The following DOCK8 variants were observed in gnomAD, a reference collection of about 807,000 sequenced individuals.
DOCK8 encodes dedicator of cytokinesis 8, also known as dedicator of cytokinesis protein 8.
In DOCK8, 141 loss-of-function variants were observed where a neutral mutation model predicts 245.6. The ratio of observed to expected loss-of-function variants is 0.57; its 90% CI spans 0.50 to 0.66. The LOEUF (loss-of-function observed/expected upper bound fraction) is 0.66. DOCK8 is among the 30% of genes least tolerant of loss of function. DOCK8 has a pLI of 0.00. For synonymous variants in DOCK8, 1,168 were observed against 970.2 expected, an observed-to-expected ratio of 1.20 and a Z score of -3.79; for missense variants, 2,965 against 2,603.4, an observed-to-expected ratio of 1.14 and a Z score of -3.02.
intron 26 of DOCK8, among the ~76,000 whole-genome samples, chr9:400,680 TCACCACCACCTCCACCAC>T (rs2054919336): frequency 1.4e-4 from 3 of 20,880 alleles, no homozygotes; most frequent in Admixed American, 4.7e-4. Flanking sequence ...ATCTTCACCA[TCACCACCACCTCCACCAC>T]CACCACCACC....
chr9:419,083 T>C (rs1586976259), intron 30 of DOCK8, among the ~76,000 whole-genome samples: 1 of 152,194 alleles, frequency 6.6e-6, no homozygotes, highest in South Asian at 2.1e-4. Context: ...TCTCTGTTCA[T>C]TGATGAGCTC....
chr9:213,861 T>C (rs973492888), upstream of DOCK8: 3 of 152,178 alleles, frequency 2.0e-5, no homozygotes, highest in South Asian at 2.1e-4. Context: ...CCCAAGTAGC[T>C]GGGACTAAGG....
upstream of DOCK8, among the ~76,000 whole-genome samples, chr9:211,445 T>C (rs1321838713): frequency 1.3e-5 from 2 of 151,740 alleles, no homozygotes; most frequent in South Asian, 2.1e-4. Context: ...AAACAGGTAT[T>C]TTAGTAAACT....
At chr9:422,988 A>G (rs2056337899) in intron 33 of DOCK8, among the ~76,000 whole-genome samples, 1 of 47,334 alleles carries the variant, frequency 2.1e-5, no homozygotes, top group African/African-American at 4.9e-5. Flanking sequence ...CCATCTCAAA[A>G]AAAAAAAAAA....
At chr9:316,073 C>T (rs2050333390) in intron 6 of DOCK8, among the ~76,000 whole-genome samples, 2 of 152,172 alleles carry the variant, frequency 1.3e-5, no homozygotes, top group South Asian at 2.1e-4. Flanking sequence ...TAATGATGAG[C>T]TTACCACATT....
At chr9:290,073 T>A (rs998942350) in intron 4 of DOCK8, among the ~76,000 whole-genome samples, 2 of 152,184 alleles carry the variant, frequency 1.3e-5, no homozygotes, top group Non-Finnish European at 2.9e-5. Context: ...TTTTTTTTAT[T>A]GCTGAATAAT....
At chr9:346,096 C>T (rs1046254906) in intron 14 of DOCK8, among the ~76,000 whole-genome samples, 2 of 151,796 alleles carry the variant, frequency 1.3e-5, no homozygotes, top group Non-Finnish European at 2.9e-5. Context: ...GAACCAGAGC[C>T]AGGCAGGACA....
chr9:296,317 A>G (rs1186375327), intron 4 of DOCK8, among the ~76,000 whole-genome samples: 3 of 152,238 alleles, frequency 2.0e-5, no homozygotes, highest in Admixed American at 1.3e-4. Flanking sequence ...CTCTAAATGA[A>G]CCAAAGAGGG....
intron 28 of DOCK8, among the ~76,000 whole-genome samples, chr9:410,993 C>A (rs1169292490): frequency 6.6e-6 from 1 of 152,130 alleles, no homozygotes; most frequent in African/African-American, 2.4e-5. Flanking sequence ...GGATAAATTC[C>A]TTAAAAGGTA....
intron 1 of DOCK8, among the ~76,000 whole-genome samples, chr9:232,694 A>T (rs1057439175): frequency 1.8e-4 from 27 of 152,234 alleles, no homozygotes; most frequent in African/African-American, 5.8e-4. Flanking sequence ...AGAGGTGTTT[A>T]TAGTATTCTC....
intron 23 of DOCK8, among the ~76,000 whole-genome samples, chr9:386,767 C>A (rs2053973991): frequency 6.6e-6 from 1 of 152,232 alleles, no homozygotes; most frequent in Admixed American, 6.5e-5. Flanking sequence ...CCAGCTGATG[C>A]TGGTCCAGGG....
chr9:435,115 A>T, intron 39 of DOCK8, 140 bp downstream of exon 39: 2 of 957,606 alleles, frequency 2.1e-6, no homozygotes, highest in Non-Finnish European at 3.2e-6. Context: ...TGCTACTGGC[A>T]TCTGACTGGT....
chr9:457,684 C>T (rs1053399551), intron 46 of DOCK8, among the ~76,000 whole-genome samples: 8 of 152,158 alleles, frequency 5.3e-5, no homozygotes, highest in African/African-American at 1.9e-4. Flanking sequence ...TTAGTTTCAT[C>T]AACTATGAAA....
intron 42 of DOCK8, among the ~76,000 whole-genome samples, 167 bp from the exon 43 acceptor site, chr9:443,260 T>C (rs2057148754): frequency 6.6e-6 from 1 of 152,226 alleles, no homozygotes; most frequent in South Asian, 2.1e-4. Flanking sequence ...ATTTTTATTT[T>C]TGTCTTAGGA....
At chr9:215,097 G>A in intron 1 of DOCK8, 68 bp downstream of exon 1, 1 of 1,514,400 alleles carries the variant, frequency 6.6e-7, no homozygotes, top group Non-Finnish European at 8.8e-7. Flanking sequence ...GCGGAGCTTC[G>A]CTGCAGGGGC....
chr9:371,545 G>A lies in DOCK8; in HGVS notation c.1986G>A (p.Val662=), dbSNP rs777821805. ...ISCQQKQGAS[V]ETLLGYSWLP... ...GTCAGCAGAAGCAAGGAGCCTCCGT[G>A]GAAACTCTCCTGGGATATTCAGTGA... Residue 662 remains valine (V), a synonymous_variant, in exon 17 of 48, where the codon GTG becomes GTA. Transcript: ENST00000432829. 39 of 1,614,034 alleles carry A rather than the reference G, an allele frequency of 2.4e-5. 2 individuals are homozygous for A. Among genetic ancestry groups the A allele is most frequent in the South Asian group, 1.6e-4 (15 of 91,086 alleles).
rs747628324 is a variant in DOCK8 at position 214,871 on chromosome 9, C to G, written c.-106C>G. The G allele has an allele frequency of 1.2e-5, 20 of 1,601,580 alleles. No individual in the cohort carries two copies. In the Admixed American group the frequency reaches 2.9e-4, roughly 23 times the overall value. On this transcript the variant is annotated 5_prime_UTR_variant, in exon 1 of 48. Coordinates refer to ENST00000432829, the MANE Select transcript of DOCK8 (RefSeq NM_203447.4). ...GAAGTTTCCAGCGCCGACCGACAGACGAGGTTTGCGCTTGGCTGGGCATGT... is the reference window on the plus strand; with the variant it reads ...GAAGTTTCCAGCGCCGACCGACAGAGGAGGTTTGCGCTTGGCTGGGCATGT...
chr9:457,638 T>C (rs2057681200), intron 46 of DOCK8, among the ~76,000 whole-genome samples: 1 of 152,176 alleles, frequency 6.6e-6, no homozygotes. Flanking sequence ...GTCCCACAGG[T>C]ATGTGACTGG....
intron 1 of DOCK8, among the ~76,000 whole-genome samples, chr9:216,537 CAA>C (rs59529982): frequency 0.027 from 2,441 of 88,930 alleles, 39 homozygotes; most frequent in South Asian, 0.075. Flanking sequence ...AAAAAACAGA[CAA>C]AAAAAAAAAA....
Sources: allele counts gnomAD v4.1 joint callset (sites outside exome capture counted in the v4.1 genomes callset), GRCh38; gene constraint gnomAD v4.1.1; transcripts MANE v1.5; gene names NCBI Gene and HGNC (gene_info 2026-07-23, HGNC 2026-07-21).